Variants in STEAP1B observed in about 807,000 individuals in gnomAD.
STEAP1B encodes STEAP family member 1B.
A neutral mutation model predicts 27.9 loss-of-function variants in STEAP1B; 13 were observed. The ratio of observed to expected loss-of-function variants is 0.47; its 90% CI spans 0.30 to 0.74. The LOEUF (loss-of-function observed/expected upper bound fraction) is 0.74. Ranked by LOEUF, STEAP1B falls within the 30% of genes least tolerant of loss-of-function variation. The pLI, the probability that STEAP1B is intolerant of heterozygous loss-of-function variation, is 0.06. For synonymous variants in STEAP1B, 86 were observed against 107.1 expected, an observed-to-expected ratio of 0.80 and a Z score of 1.22; for missense variants, 250 against 298.7, an observed-to-expected ratio of 0.84 and a Z score of 1.20.
chr7:22,458,794 T>C (rs770905570), intron 4 of STEAP1B, among the ~76,000 whole-genome samples: 4 of 151,888 alleles, frequency 2.6e-5, no homozygotes, highest in African/African-American at 9.7e-5. Context: ...GTGGAGGGCA[T>C]TGCATGTTGT....
Position 22,429,634 on chromosome 7 carries a change from G to A in STEAP1B, c.763-9798C>T, listed in dbSNP as rs534537571. ...TTTACATCCTGAGCCAGACAGAGTAGGCCCACACAAGATTTCATCACACTG... is the reference window on the plus strand; with the variant it reads ...TTTACATCCTGAGCCAGACAGAGTAAGCCCACACAAGATTTCATCACACTG... On this transcript the variant is annotated intron_variant, in intron 4 of 4. Transcript: ENST00000678116. Among the ~76,000 whole-genome samples, 16 of 152,180 alleles carry A rather than the reference G, an allele frequency of 1.1e-4. 1 individual carries two copies. The South Asian group carries it at 3.3e-3, about 32-fold the overall frequency.
chr7:22,439,108 C>T (rs1243263731), intron 4 of STEAP1B, among the ~76,000 whole-genome samples: 6 of 152,070 alleles, frequency 3.9e-5, no homozygotes, highest in Admixed American at 3.9e-4. Flanking sequence ...GAAAACCAGA[C>T]CCTAATCTAC....
At chr7:22,424,194 T>G (rs1249299685) in intron 4 of STEAP1B, among the ~76,000 whole-genome samples, 1 of 152,200 alleles carries the variant, frequency 6.6e-6, no homozygotes, top group Admixed American at 6.5e-5. Flanking sequence ...ATAGCGATTT[T>G]ACACATTGTA....
intron 3 of STEAP1B, 86 bp from the exon 4 acceptor site, chr7:22,492,815 G>C (rs4000921): frequency 0.17 from 253,084 of 1,468,320 alleles, 22,990 homozygotes; most frequent in Admixed American, 0.28. Context: ...TTCCCTGTGT[G>C]TACTATGAAG....
intron 4 of STEAP1B, among the ~76,000 whole-genome samples, chr7:22,477,906 G>A (rs1348098431): frequency 1.3e-5 from 2 of 152,178 alleles, no homozygotes; most frequent in Non-Finnish European, 2.9e-5. Flanking sequence ...CTTGGGAGAA[G>A]CAAGCTGTCT....
chr7:22,478,170 C>T (rs1020424919), intron 4 of STEAP1B, among the ~76,000 whole-genome samples: 2 of 152,184 alleles, frequency 1.3e-5, no homozygotes, highest in Non-Finnish European at 2.9e-5. Context: ...CACAATTAGT[C>T]TTCCATTTGC....
intron 4 of STEAP1B, among the ~76,000 whole-genome samples, chr7:22,473,576 G>A (rs4722143): frequency 0.47 from 71,830 of 152,078 alleles, 17,342 homozygotes; most frequent in African/African-American, 0.57. Flanking sequence ...TAGGAGACAC[G>A]TTGAGTTTTT....
At chr7:22,456,726 G>A (rs898658247) in intron 4 of STEAP1B, among the ~76,000 whole-genome samples, 50 of 151,798 alleles carry the variant, frequency 3.3e-4, no homozygotes, top group African/African-American at 1.2e-3. Flanking sequence ...CTTTCGAGAT[G>A]AAAACTGATA....
chr7:22,494,412 T>C (rs2128418449), intron 2 of STEAP1B, among the ~76,000 whole-genome samples: 1 of 149,530 alleles, frequency 6.7e-6, no homozygotes, highest in East Asian at 2.0e-4. Context: ...AAATTACTGT[T>C]ATATGGGCAT....
At chr7:22,489,880 C>G (rs1442048737) in intron 4 of STEAP1B, among the ~76,000 whole-genome samples, 1 of 152,068 alleles carries the variant, frequency 6.6e-6, no homozygotes, top group Non-Finnish European at 1.5e-5. Flanking sequence ...ATATTGATTC[C>G]TCCTATCCGT....
intron 4 of STEAP1B, among the ~76,000 whole-genome samples, chr7:22,421,203 A>C (rs926417085): frequency 6.6e-6 from 1 of 152,248 alleles, no homozygotes; most frequent in African/African-American, 2.4e-5. Flanking sequence ...CAAGGATGAC[A>C]GTAATATGAG....
chr7:22,448,278 T>C (rs1164083608), intron 4 of STEAP1B, among the ~76,000 whole-genome samples: 3 of 152,228 alleles, frequency 2.0e-5, no homozygotes, highest in African/African-American at 4.8e-5. Context: ...AATGCATTTC[T>C]ATATGGCCAA....
At chr7:22,478,403 G>C (rs902929073) in intron 4 of STEAP1B, among the ~76,000 whole-genome samples, 1 of 152,182 alleles carries the variant, frequency 6.6e-6, no homozygotes, top group Non-Finnish European at 1.5e-5. Context: ...AATAGTGTCT[G>C]TCTGCTCTAA....
chr7:22,478,125 G>C (rs1014106294), intron 4 of STEAP1B, among the ~76,000 whole-genome samples: 2 of 152,174 alleles, frequency 1.3e-5, no homozygotes, highest in African/African-American at 2.4e-5. Flanking sequence ...ACAGGTCCCT[G>C]CTGAGGCACC....
chr7:22,457,775 T>G (rs1785611161), intron 4 of STEAP1B, among the ~76,000 whole-genome samples: 1 of 152,204 alleles, frequency 6.6e-6, no homozygotes, highest in African/African-American at 2.4e-5. Context: ...TTTGTAAACC[T>G]GAAGTTCAGA....
chr7:22,424,946 T>C (rs1785088114), intron 4 of STEAP1B, among the ~76,000 whole-genome samples: 1 of 149,144 alleles, frequency 6.7e-6, no homozygotes, highest in African/African-American at 2.5e-5. Flanking sequence ...TAATAAAAAA[T>C]ATGTAGAAAA....
rs3064738 is a variant in STEAP1B, at chr7:22,456,972, AT to A, written c.762+35592del. 3.5e-3 allele frequency among the ~76,000 whole-genome samples: 200 copies of A among 57,056 alleles called. 26 individuals are homozygous for A. The highest frequency in any genetic ancestry group is 0.01 in the Admixed American group (51 of 4,908). The allele number at this position is 57,056 out of a possible 152,430, so 37.4% of individuals were successfully genotyped here. On this transcript the variant is annotated intron_variant, in intron 4 of 4. Transcript: ENST00000678116. ...GGCAGCTATATATATATATATATAT[AT>A]TTTTTTTTTTTTTAAGTATCCTGGG...
At chr7:22,478,866 A>T (rs1460434251) in intron 4 of STEAP1B, among the ~76,000 whole-genome samples, 1 of 152,130 alleles carries the variant, frequency 6.6e-6, no homozygotes, top group African/African-American at 2.4e-5. Flanking sequence ...TCAGGGACAG[A>T]CCACCTCACT....
chr7:22,482,900 C>G (rs1786108785), intron 4 of STEAP1B, among the ~76,000 whole-genome samples: 1 of 152,150 alleles, frequency 6.6e-6, no homozygotes, highest in African/African-American at 2.4e-5. Flanking sequence ...GGAGACATCC[C>G]TGGATCTTGT....
Sources: allele counts gnomAD v4.1 joint callset (sites outside exome capture counted in the v4.1 genomes callset), GRCh38; gene constraint gnomAD v4.1.1; transcripts MANE v1.5; gene names NCBI Gene and HGNC (gene_info 2026-07-23, HGNC 2026-07-21).